Variants in PUM2 observed in about 807,000 individuals in gnomAD.
The protein encoded by PUM2 is pumilio RNA binding family member 2, also known as pumilio homolog 2.
Under a neutral mutation model 124.5 loss-of-function variants are expected in PUM2, and 57 were observed. That is an observed-to-expected ratio of 0.46 (90% CI 0.37 to 0.57). The LOEUF (loss-of-function observed/expected upper bound fraction) is 0.57, where lower values mean the gene tolerates loss of function less well. Ranked by LOEUF, PUM2 falls within the 20% of genes least tolerant of loss-of-function variation. The pLI, the probability that PUM2 is intolerant of heterozygous loss-of-function variation, is 0.00. For synonymous variants in PUM2, 460 were observed against 446.1 expected (o/e 1.03, Z -0.39); for missense variants, 1,065 against 1,290.6 (o/e 0.83, Z 2.68).
rs145926185 is a variant in PUM2 at position 20,337,155 on chromosome 2, T to C, written c.-18-9777A>G. Among the ~76,000 whole-genome samples, 1,038 of 151,728 alleles carry C rather than the reference T, an allele frequency of 6.8e-3. 13 individuals carry two copies. The highest frequency in any genetic ancestry group is 0.012 in the Non-Finnish European group (790 of 67,992). ...GAAGCAGATTACACAGACTGTGGTATAGGCCTAAATGTCAAAAAAAAAACT... is the reference window on the plus strand; with the variant it reads ...GAAGCAGATTACACAGACTGTGGTACAGGCCTAAATGTCAAAAAAAAAACT... On this transcript the variant is annotated intron_variant, in intron 1 of 20. Transcript: ENST00000361078.
rs1342962857 is a variant in PUM2, at chr2:20,307,908, A to G, written c.883+70T>C. ...AAGTAACAAAACCTCACCAATCAGT[A>G]AACGAAAAGTGAAACATCCTAGACA... On this transcript the variant is annotated intron_variant, in intron 7 of 20. Coordinates refer to ENST00000361078, the MANE Select transcript of PUM2 (RefSeq NM_015317.5). 7 of 1,551,928 alleles carry G rather than the reference A, an allele frequency of 4.5e-6. No individual in the cohort carries two copies. In the East Asian group the frequency reaches 1.4e-4, roughly 30 times the overall value.
chr2:20,313,170 T>G (rs1281905659), intron 3 of PUM2, among the ~76,000 whole-genome samples: 1 of 152,172 alleles, frequency 6.6e-6, no homozygotes, highest in Admixed American at 6.5e-5. Flanking sequence ...ACTTCATGAC[T>G]AAAACACCAA....
chr2:20,299,001 C>G (rs1420525415), intron 7 of PUM2, among the ~76,000 whole-genome samples: 1 of 152,198 alleles, frequency 6.6e-6, no homozygotes, highest in Non-Finnish European at 1.5e-5. Flanking sequence ...CCATGCCTCA[C>G]CCTACCCAGC....
intron 14 of PUM2, among the ~76,000 whole-genome samples, chr2:20,262,988 T>G (rs1666667572): frequency 6.6e-6 from 1 of 152,166 alleles, no homozygotes; most frequent in African/African-American, 2.4e-5. Context: ...ATTCTCACTG[T>G]AAAAAACTGG....
chr2:20,276,646 T>C (rs971825979), intron 13 of PUM2, among the ~76,000 whole-genome samples: 2 of 152,064 alleles, frequency 1.3e-5, no homozygotes, highest in African/African-American at 4.8e-5. Context: ...GATCCATTCA[T>C]AGGGAAGTGC....
Position 20,308,053 on chromosome 2 carries a change from C to T in PUM2, c.808G>A (p.Ala270Thr). 5.0e-6 allele frequency: 8 copies of T among 1,612,704 alleles called. No individual in the cohort carries two copies. The highest frequency in any genetic ancestry group is 1.1e-5 in the South Asian group (1 of 91,014). The change falls in exon 7 of 21, where the codon GCA (alanine) becomes ACA (threonine). Residue 270 changes from alanine to threonine, a missense_variant. Physicochemically the swap from Ala to Thr is moderately conservative, Grantham distance 58. Around this residue, in one of 3 missense-constraint regions of PUM2, gnomAD observed 968 missense variants for 1,159.8 expected, o/e 0.83. Coordinates refer to ENST00000361078, the MANE Select transcript of PUM2 (RefSeq NM_015317.5). Reference sequence around the variant, plus strand: ...GCAGTTAACTGTTGAACTGTTAGTGCATTAGTCCTCTGAAAGAGCTATTAG... The same window carrying T: ...GCAGTTAACTGTTGAACTGTTAGTGTATTAGTCCTCTGAAAGAGCTATTAG... ...SQQQLFQRTN[A>T]LTVQQLTAAQ... is the part of the protein sequence containing the mutation.
At position 20,294,288 on chromosome 2, in the gene PUM2, C is replaced by T. The variant is rs547377127; in HGVS notation, c.1152+88G>A. The T allele has an allele frequency of 3.2e-4, 466 of 1,465,266 alleles. 2 individuals are homozygous for T. The African/African-American group carries it at 5.8e-3, about 18-fold the overall frequency. 90.8% of individuals were successfully genotyped at this position (1,465,266 alleles called of 1,614,324 possible). A position where few individuals can be genotyped will look rare whatever the true frequency, so the allele number is the denominator to read the frequency against. On this transcript the variant is annotated intron_variant, in intron 9 of 20. Transcript: ENST00000361078. ...GGAGTCGTGTTACACAGTGAGGAAA[C>T]GTAAGTCGAAAAACACAAATCTTAA...
upstream of PUM2, among the ~76,000 whole-genome samples, chr2:20,351,246 C>T (rs996838532): frequency 6.6e-5 from 10 of 152,250 alleles, no homozygotes; most frequent in Non-Finnish European, 7.3e-5. Flanking sequence ...CGCCGCCCAC[C>T]GTGGGGTACT....
intron 1 of PUM2, among the ~76,000 whole-genome samples, chr2:20,339,031 T>TG (rs1443185878): frequency 2.0e-5 from 3 of 152,150 alleles, no homozygotes; most frequent in African/African-American, 7.2e-5. Flanking sequence ...TGGAAATCAA[T>TG]GGCTTTATAT....
At chr2:20,332,930 C>G (rs1333074469) in intron 1 of PUM2, 2 of 152,046 alleles carry the variant, frequency 1.3e-5, no homozygotes, top group Non-Finnish European at 2.9e-5. Context: ...GCTCAAATCT[C>G]CAATATTATT....
At chr2:20,318,501 A>G (rs781475444) in intron 3 of PUM2, 36 bp downstream of exon 3, 12 of 1,531,948 alleles carry the variant, frequency 7.8e-6, no homozygotes, top group Middle Eastern at 1.7e-4. Context: ...AATGCTAAAT[A>G]TATTCACAAT....
intron 13 of PUM2, among the ~76,000 whole-genome samples, chr2:20,274,638 A>G (rs1669770950): frequency 6.6e-6 from 1 of 152,058 alleles, no homozygotes; most frequent in Admixed American, 6.5e-5. Flanking sequence ...TTCAAAGCCC[A>G]CATTACACTT....
chr2:20,331,860 G>T (rs984948813), intron 1 of PUM2: 3 of 152,084 alleles, frequency 2.0e-5, no homozygotes, highest in African/African-American at 7.2e-5. Flanking sequence ...CCTAGTGTAG[G>T]AGTCAACATT....
intron 9 of PUM2, among the ~76,000 whole-genome samples, chr2:20,292,179 G>C (rs1465886879): frequency 6.6e-6 from 1 of 151,478 alleles, no homozygotes; most frequent in Non-Finnish European, 1.5e-5. Context: ...ACTTGCCCGG[G>C]AGGTGGCCAA....
At chr2:20,340,863 G>A (rs764332891) in intron 1 of PUM2, among the ~76,000 whole-genome samples, 2 of 152,178 alleles carry the variant, frequency 1.3e-5, no homozygotes, top group Admixed American at 1.3e-4. Context: ...AAATGAACTC[G>A]ATCTCATTTG....
chr2:20,321,340 C>G (rs7355288), intron 2 of PUM2, among the ~76,000 whole-genome samples: 1 of 151,682 alleles, frequency 6.6e-6, no homozygotes, highest in African/African-American at 2.4e-5. Flanking sequence ...GGCTGGGAAG[C>G]GGGGGGGAGG....
At chr2:20,327,617 G>A (rs756497427) in intron 1 of PUM2, among the ~76,000 whole-genome samples, 23 of 152,226 alleles carry the variant, frequency 1.5e-4, no homozygotes, top group Middle Eastern at 6.8e-3. Context: ...CTATGTGAAG[G>A]CAATGAAAAA....
In PUM2 at chr2:20,251,607, C is replaced by A. The variant is rs767318598; in HGVS notation, c.3173G>T (p.Gly1058Val). The A allele has an allele frequency of 6.2e-7, 1 of 1,613,140 alleles. No homozygotes were observed. Among genetic ancestry groups the A allele is most frequent in the South Asian group, 1.1e-5 (1 of 90,850 alleles). ...AATTTACAGCATTCCATTTGGTGGT[C>A]CTCCAATAGGTCCTAGGTCCGGGCT... The part of the protein sequence containing the change: ...KNSPDLGPIG[G>V]PPNGML The change falls in exon 21 of 21, where the codon GGA (glycine) becomes GTA (valine). Residue 1058 changes from glycine (G) to valine (V), a missense_variant. By Grantham distance (109) the Gly-to-Val change is moderately radical. Transcript: ENST00000361078.
At chr2:20,283,293 G>A in intron 11 of PUM2, 50 bp downstream of exon 11, 2 of 1,606,936 alleles carry the variant, frequency 1.2e-6, no homozygotes, top group Non-Finnish European at 1.7e-6. Context: ...TTTAAAAATG[G>A]TATCTCAACA....
Sources: gnomAD v4.1 joint callset for allele counts (sites outside exome capture counted in the v4.1 genomes callset) on GRCh38, gnomAD v4.1.1 for gene constraint, gnomAD v4.1.1 regional missense constraint, MANE v1.5 for transcripts, NCBI Gene and HGNC (gene_info 2026-07-23, HGNC 2026-07-21) for gene names.